KDM2B: variants seen among roughly 807,000 people sequenced by gnomAD.
KDM2B encodes lysine demethylase 2B, also known as lysine-specific demethylase 2B.
A neutral mutation model predicts 150.0 loss-of-function variants in KDM2B; 26 were observed. That is an observed-to-expected ratio of 0.17 (90% CI 0.13 to 0.24). The LOEUF (loss-of-function observed/expected upper bound fraction) is 0.24. KDM2B is among the 10% of genes least tolerant of loss of function. The probability of loss-of-function intolerance (pLI) is 1.00; values close to 1 mark genes in which losing one functional copy is unlikely to be tolerated. For synonymous variants in KDM2B, 734 were observed against 729.5 expected, an observed-to-expected ratio of 1.01 and a Z score of -0.10; for missense variants, 1,265 against 1,816.9, an observed-to-expected ratio of 0.70 and a Z score of 5.52.
At chr12:121,434,581 G>T (rs1008660877) in intron 22 of KDM2B, among the ~76,000 whole-genome samples, 3 of 151,640 alleles carry the variant, frequency 2.0e-5, no homozygotes, top group African/African-American at 7.3e-5. Context: ...TGAAAAGGGT[G>T]CTGCCAACAG....
At chr12:121,489,133 T>C (rs1883079743) in intron 12 of KDM2B, among the ~76,000 whole-genome samples, 3 of 151,766 alleles carry the variant, frequency 2.0e-5, no homozygotes, top group Admixed American at 1.3e-4. Flanking sequence ...TTAGTAAAGA[T>C]GGTGTTTCAC....
the KDM2B span, among the ~76,000 whole-genome samples, chr12:121,413,679 G>A: frequency 1.3e-5 from 2 of 149,668 alleles, no homozygotes; most frequent in Non-Finnish European, 3.0e-5. Flanking sequence ...CCGGGTTCAC[G>A]CCATTCTCCT....
chr12:121,538,071 C>T (rs1471699203), intron 6 of KDM2B, among the ~76,000 whole-genome samples: 5 of 151,560 alleles, frequency 3.3e-5, no homozygotes, highest in Non-Finnish European at 5.9e-5. Flanking sequence ...ACGCGGGGCC[C>T]CCGCTCGCTG....
At chr12:121,479,265 A>T (rs191857384) in intron 12 of KDM2B, among the ~76,000 whole-genome samples, 4 of 151,712 alleles carry the variant, frequency 2.6e-5, no homozygotes, top group East Asian at 3.9e-4. Context: ...CTGGCTAACA[A>T]GGTGAAACCC....
intron 6 of KDM2B, chr12:121,536,175 C>T: frequency 9.5e-6 from 8 of 841,624 alleles, no homozygotes; most frequent in Non-Finnish European, 1.1e-5. Context: ...GCTCCTGGTG[C>T]CCCCTCCCTC....
intron 12 of KDM2B, among the ~76,000 whole-genome samples, chr12:121,492,154 G>A (rs1883437966): frequency 6.6e-6 from 1 of 152,108 alleles, no homozygotes; most frequent in Non-Finnish European, 1.5e-5. Context: ...TTAAGACTCT[G>A]TGTAAATAAA....
chr12:121,507,198 T>A lies in KDM2B; in HGVS notation c.1647+2369A>T, dbSNP rs781946782. Among the ~76,000 whole-genome samples, 4 of 150,268 alleles carry A rather than the reference T, an allele frequency of 2.7e-5. No individual in the cohort carries two copies. In the East Asian group the frequency reaches 7.8e-4, roughly 29 times the overall value. On this transcript the variant is annotated intron_variant, in intron 11 of 22. Transcript: ENST00000377071. The stretch of plus-strand genomic sequence containing the variant: ...TGGGCAACATGGGAGACCCCATCTC[T>A]ACAAAAATTACAAAAAAATTAGCCA...
chr12:121,505,574 G>A (rs530901807), intron 11 of KDM2B, among the ~76,000 whole-genome samples: 1 of 152,180 alleles, frequency 6.6e-6, no homozygotes, highest in South Asian at 2.1e-4. Flanking sequence ...ACAAATGAAA[G>A]AACAAATGGG....
rs1457933083 is a variant in KDM2B, at chr12:121,494,663, G to A, written c.1650C>T (p.Asn550=). 7.5e-6 allele frequency: 12 copies of A among 1,609,058 alleles called. No homozygotes were observed. The African/African-American group carries it at 8.0e-5, about 11-fold the overall frequency. ...CATCATCTGCGTGCTCCTTCAGGAC[G>A]TTCTGTGGCCAAACAAAGCATCCAT... ...DPQALLEGVK[N]VLKEHADDDP... Residue 550 remains asparagine (N), a splice_region_variant and synonymous_variant, in exon 12 of 23, where the codon AAC becomes AAT. Coordinates refer to ENST00000377071, the MANE Select transcript of KDM2B (RefSeq NM_032590.5).
At chr12:121,490,660 T>C (rs1270002791) in intron 12 of KDM2B, among the ~76,000 whole-genome samples, 3 of 152,060 alleles carry the variant, frequency 2.0e-5, no homozygotes, top group Admixed American at 1.3e-4. Context: ...CCGTTGGTCA[T>C]AAAAGGAAGC....
intron 6 of KDM2B, among the ~76,000 whole-genome samples, chr12:121,541,257 G>T (rs1453063592): frequency 6.6e-6 from 1 of 151,680 alleles, no homozygotes; most frequent in Admixed American, 6.6e-5. Flanking sequence ...ATAAGCCAGG[G>T]GATAGTGGCA....
At position 121,444,246 on chromosome 12, in the gene KDM2B, G is replaced by A. The variant is rs782484805; in HGVS notation, c.2217C>T (p.Tyr739=). Residue 739 remains tyrosine, a synonymous_variant, in exon 16 of 23, where the codon TAC becomes TAT. Coordinates refer to ENST00000377071, the MANE Select transcript of KDM2B (RefSeq NM_032590.5). The part of the protein sequence containing the change: ...GKQKRGPGFK[Y]ASNLPGSLLK... ...GCAGGGAGCCGGGCAGGTTGGAGGCGTACTTAAAGCCAGGGCCACGCTTTT... is the reference window on the plus strand; with the variant it reads ...GCAGGGAGCCGGGCAGGTTGGAGGCATACTTAAAGCCAGGGCCACGCTTTT... 38 of 1,613,734 alleles carry A rather than the reference G, an allele frequency of 2.4e-5. No homozygotes were observed. Among genetic ancestry groups the A allele is most frequent in the African/African-American group, 4.0e-5 (3 of 74,928 alleles).
chr12:121,575,682 T>C lies in KDM2B; in HGVS notation c.350+99A>G. ...GATCGTGAAAAAAGATCCTTCTCAGTGATGAGAGGTGGGAAGAGGGTGGAA... is the reference window on the plus strand; with the variant it reads ...GATCGTGAAAAAAGATCCTTCTCAGCGATGAGAGGTGGGAAGAGGGTGGAA... On this transcript the variant is annotated intron_variant, in intron 3 of 22. Coordinates refer to ENST00000377071, the MANE Select transcript of KDM2B (RefSeq NM_032590.5). This position sits in a 1 kb window ranked among gnomAD's most constrained non-coding sequence, Gnocchi z 4.4. 1.2e-6 allele frequency: 1 copy of C among 859,132 alleles called. No individual in the cohort carries two copies. Among genetic ancestry groups the C allele is most frequent in the Middle Eastern group, 2.5e-4 (1 of 3,928 alleles). 53.2% of individuals were successfully genotyped at this position (859,132 alleles called of 1,614,324 possible).
chr12:121,465,391 G>C (rs1316523903), intron 12 of KDM2B, among the ~76,000 whole-genome samples: 1 of 152,070 alleles, frequency 6.6e-6, no homozygotes, highest in South Asian at 2.1e-4. Context: ...CGGCCACCAC[G>C]CCGGGCTCAC....
At chr12:121,436,476 G>A (rs1416067601) in intron 22 of KDM2B, among the ~76,000 whole-genome samples, 3 of 150,916 alleles carry the variant, frequency 2.0e-5, no homozygotes, top group African/African-American at 4.9e-5. Flanking sequence ...AGCCGAGATC[G>A]CGCAATTGCA....
At chr12:121,510,529 A>T (rs1228590402) in intron 10 of KDM2B, among the ~76,000 whole-genome samples, 1 of 152,052 alleles carries the variant, frequency 6.6e-6, no homozygotes, top group African/African-American at 2.4e-5. Context: ...GCAGTGGCTC[A>T]CGCCTATAAT....
At chr12:121,547,580 C>T (rs1555310924) in intron 6 of KDM2B, among the ~76,000 whole-genome samples, 1 of 151,914 alleles carries the variant, frequency 6.6e-6, no homozygotes, top group African/African-American at 2.4e-5. Flanking sequence ...GCCGCCAGCG[C>T]CAACTCTTCT....
At chr12:121,416,122 C>T in the KDM2B span, 15 of 1,570,738 alleles carry the variant, frequency 9.5e-6, no homozygotes, top group Non-Finnish European at 1.1e-5. Context: ...CCAGATTCCA[C>T]TTAGCTTTAA....
intron 11 of KDM2B, among the ~76,000 whole-genome samples, chr12:121,505,593 A>G (rs1884995418): frequency 6.6e-6 from 1 of 152,168 alleles, no homozygotes; most frequent in Admixed American, 6.6e-5. Flanking sequence ...GGTTTTTAGT[A>G]TAAGCCAAAA....
Sources: allele counts gnomAD v4.1 joint callset (sites outside exome capture counted in the v4.1 genomes callset), GRCh38; gene constraint gnomAD v4.1.1; non-coding constraint Gnocchi (gnomAD v3.1); transcripts MANE v1.5; gene names NCBI Gene and HGNC (gene_info 2026-07-23, HGNC 2026-07-21).